The following CTXN2 variants were observed in gnomAD, a reference collection of about 807,000 sequenced individuals.
CTXN2 encodes cortexin 2, also known as cortexin-2.
A neutral mutation model predicts 5.7 loss-of-function variants in CTXN2; 3 were observed. That is an observed-to-expected ratio of 0.53 (90% confidence interval 0.24 to 1.36). CTXN2 has a LOEUF of 1.36. Ranked by LOEUF, CTXN2 falls within the 40% of genes most tolerant of loss-of-function variation. The pLI, the probability that CTXN2 is intolerant of heterozygous loss-of-function variation, is 0.17. For missense variants in CTXN2, 87 were observed against 93.0 expected, an observed-to-expected ratio of 0.94 and a Z score of 0.26; for synonymous variants, 38 against 36.4, an observed-to-expected ratio of 1.04 and a Z score of -0.16.
upstream of CTXN2, chr15:48,190,208 G>A (rs775327074): frequency 5.3e-5 from 8 of 152,216 alleles, no homozygotes; most frequent in Non-Finnish European, 1.0e-4. Flanking sequence ...CACACCTACT[G>A]AATCAGAGTC....
intron 1 of CTXN2, among the ~76,000 whole-genome samples, chr15:48,186,643 G>A (rs1032701216): frequency 1.3e-5 from 2 of 152,144 alleles, no homozygotes; most frequent in Non-Finnish European, 1.5e-5. Flanking sequence ...GCTCACGCCT[G>A]TAATCCCAGC....
Position 48,202,201 on chromosome 15 carries a change from C to G in CTXN2, c.*655C>G, listed in dbSNP as rs1244112149. The stretch of plus-strand genomic sequence containing the variant: ...ATCTGCCTCATACTGATGCTCCCTC[C>G]CCTACCCCTTGCATAAATAGAATTT... On this transcript the variant is annotated 3_prime_UTR_variant, in exon 2 of 2. Transcript: ENST00000417307. 1.8e-5 allele frequency: 3 copies of G among 167,250 alleles called. No homozygotes were observed. The highest frequency in any genetic ancestry group is 1.3e-4 in the Admixed American group (2 of 15,280). 10.4% of individuals were successfully genotyped at this position (167,250 alleles called of 1,614,324 possible).
intron 1 of CTXN2, among the ~76,000 whole-genome samples, chr15:48,199,600 A>G (rs2040911550): frequency 6.6e-6 from 1 of 152,158 alleles, no homozygotes; most frequent in Non-Finnish European, 1.5e-5. Flanking sequence ...TTAACAAATG[A>G]TTTTTAATTG....
intron 1 of CTXN2, among the ~76,000 whole-genome samples, chr15:48,200,876 A>G (rs1457287412): frequency 1.3e-5 from 2 of 152,178 alleles, no homozygotes; most frequent in Admixed American, 6.5e-5. Flanking sequence ...TGTTTATATT[A>G]TCTACCTACA....
intron 1 of CTXN2, among the ~76,000 whole-genome samples, chr15:48,184,957 T>C (rs1852370314): frequency 6.6e-6 from 1 of 152,136 alleles, no homozygotes; most frequent in Non-Finnish European, 1.5e-5. Context: ...TGAAATATTA[T>C]TGAACAATAA....
At chr15:48,183,798 G>A (rs546155347) in intron 1 of CTXN2, among the ~76,000 whole-genome samples, 10 of 152,192 alleles carry the variant, frequency 6.6e-5, no homozygotes, top group Non-Finnish European at 2.9e-5. Context: ...ATGGTAGTAC[G>A]GTCAGTCTAG....
Position 48,201,626 on chromosome 15 carries a change from G to T in CTXN2, c.*80G>T, listed in dbSNP as rs1597389491. 7.3e-7 allele frequency: 1 copy of T among 1,371,616 alleles called. No individual in the cohort carries two copies. The highest frequency in any genetic ancestry group is 1.0e-6 in the Non-Finnish European group (1 of 1,004,036). The allele number at this position is 1,371,616 out of a possible 1,614,324, so 85.0% of individuals were successfully genotyped here. On this transcript the variant is annotated 3_prime_UTR_variant, in exon 2 of 2. Transcript: ENST00000417307. ...AATTGTAACTACCTTGAGGGTGTGG[G>T]AGAGAGGCTCATTTTGTTCAGTGAA...
chr15:48,183,394 CA>C (rs1460409359), intron 1 of CTXN2, among the ~76,000 whole-genome samples: 13 of 152,128 alleles, frequency 8.5e-5, no homozygotes, highest in Admixed American at 6.5e-4. Flanking sequence ...GCTTATAAAG[CA>C]AAAATGAAAC....
upstream of CTXN2, among the ~76,000 whole-genome samples, chr15:48,190,627 T>C (rs2040807941): frequency 6.6e-6 from 1 of 152,174 alleles, no homozygotes; most frequent in South Asian, 2.1e-4. Flanking sequence ...TAGATGAGTG[T>C]CCCAATTCTG....
chr15:48,186,827 T>C (rs1368345446), upstream of CTXN2, among the ~76,000 whole-genome samples: 1 of 151,230 alleles, frequency 6.6e-6, no homozygotes, highest in Non-Finnish European at 1.5e-5. Flanking sequence ...GGAGAATCGC[T>C]TGAACCCAGG....
chr15:48,189,161 A>C (rs2040788717), upstream of CTXN2: 1 of 152,184 alleles, frequency 6.6e-6, no homozygotes, highest in Admixed American at 6.5e-5. Context: ...CAAGGAACCT[A>C]ATTTATAATC....
At chr15:48,187,018 C>A (rs2040763993), upstream of CTXN2, among the ~76,000 whole-genome samples, 1 of 151,180 alleles carries the variant, frequency 6.6e-6, no homozygotes, top group African/African-American at 2.4e-5. Flanking sequence ...TTTTAGCAGG[C>A]TCTTTGGATT....
At chr15:48,180,805 C>T (rs560954790) in intron 1 of CTXN2, among the ~76,000 whole-genome samples, 2 of 152,296 alleles carry the variant, frequency 1.3e-5, no homozygotes, top group East Asian at 3.9e-4. Context: ...CCAGAGCGCC[C>T]GGCCTTGGTT....
upstream of CTXN2, among the ~76,000 whole-genome samples, chr15:48,186,795 A>G (rs2040760847): frequency 1.3e-5 from 2 of 151,534 alleles, no homozygotes; most frequent in South Asian, 4.2e-4. Flanking sequence ...TTGTAATCCC[A>G]GTTACTCAGA....
chr15:48,201,191 C>A, intron 1 of CTXN2, 53 bp from the exon 2 acceptor site: 1 of 1,092,054 alleles, frequency 9.2e-7, no homozygotes, highest in Non-Finnish European at 1.3e-6. Context: ...AAGCAACAAC[C>A]TACCCAATAC....
chr15:48,200,972 A>G (rs2140990803), intron 1 of CTXN2, among the ~76,000 whole-genome samples: 1 of 152,346 alleles, frequency 6.6e-6, no homozygotes, highest in Non-Finnish European at 1.5e-5. Flanking sequence ...AAAAGATTTT[A>G]GGGCTGATAA....
intron 1 of CTXN2, among the ~76,000 whole-genome samples, chr15:48,180,622 C>CT (rs1321257241): frequency 6.6e-6 from 1 of 152,222 alleles, no homozygotes; most frequent in Non-Finnish European, 1.5e-5. Context: ...TACCGTTCTC[C>CT]TGCCTCAGCC....
rs2040825942 is a variant in CTXN2 at position 48,191,805 on chromosome 15, A to T, written c.-106A>T. On this transcript the variant is annotated 5_prime_UTR_variant, in exon 1 of 2. Coordinates refer to ENST00000417307, the MANE Select transcript of CTXN2 (RefSeq NM_001145668.2). ...AGCGAACACAGACAAACGTGCCAAC[A>T]CTTAAGTCTACTGGCTGGACTTCAT... 1 of 455,908 alleles carries T rather than the reference A, an allele frequency of 2.2e-6. No individual in the cohort carries two copies. The highest frequency in any genetic ancestry group is 4.4e-6 in the Non-Finnish European group (1 of 226,798). 28.2% of individuals were successfully genotyped at this position (455,908 alleles called of 1,614,324 possible).
chr15:48,183,802 A>G (rs2040722547), intron 1 of CTXN2, among the ~76,000 whole-genome samples: 1 of 152,250 alleles, frequency 6.6e-6, no homozygotes, highest in Non-Finnish European at 1.5e-5. Flanking sequence ...TAGTACGGTC[A>G]GTCTAGATGT....
Sources: gnomAD v4.1 joint callset for allele counts (sites outside exome capture counted in the v4.1 genomes callset) on GRCh38, gnomAD v4.1.1 for gene constraint, MANE v1.5 for transcripts, NCBI Gene and HGNC (gene_info 2026-07-23, HGNC 2026-07-21) for gene names.